TLK1: variants seen among roughly 807,000 people sequenced by gnomAD.
The protein encoded by TLK1 is tousled like kinase 1.
In TLK1, 24 loss-of-function variants were observed where a neutral mutation model predicts 105.3. That is an observed-to-expected ratio of 0.23 (90% CI 0.17 to 0.32). The LOEUF is 0.32. Among genes scored for constraint, TLK1 ranks in the 10% least tolerant of loss-of-function variants. TLK1 has a pLI of 1.00. For missense variants in TLK1, 558 were observed against 910.5 expected (o/e 0.61, Z 4.98); for synonymous variants, 321 against 310.4 (o/e 1.03, Z -0.36).
In TLK1 at chr2:171,060,050, G is replaced by T. The variant is rs931213453; in HGVS notation, c.406+1031C>A. On this transcript the variant is annotated intron_variant, in intron 4 of 20. Coordinates refer to ENST00000431350, the MANE Select transcript of TLK1 (RefSeq NM_012290.5). The stretch of plus-strand genomic sequence containing the variant: ...AGTCAAGTTTACTCCAAAGGAAGGG[G>T]GGAAAAAACACTGAAAGCCAGACTA... 4.4e-6 allele frequency: 7 copies of T among 1,596,680 alleles called. No individual in the cohort carries two copies. In the African/African-American group the frequency reaches 6.7e-5, roughly 15 times the overall value.
At chr2:171,099,077 A>G (rs989979352) in intron 2 of TLK1, among the ~76,000 whole-genome samples, 2 of 152,184 alleles carry the variant, frequency 1.3e-5, no homozygotes, top group Non-Finnish European at 2.9e-5. Context: ...AGTCAATGAA[A>G]ATTAGGCAAG....
rs758923314 is a variant in TLK1, at chr2:171,058,213, C to T, written c.407-16G>A. 8.1e-6 allele frequency: 13 copies of T among 1,612,826 alleles called. No homozygotes were observed. The highest frequency in any genetic ancestry group is 4.0e-5 in the African/African-American group (3 of 74,828). The stretch of plus-strand genomic sequence containing the variant: ...ATACTTTTTCCTAAAATATAAGAAG[C>T]GCATGATGTTAGTAGGGTAGTGATG... On this transcript the variant is annotated splice_polypyrimidine_tract_variant and intron_variant, in intron 4 of 20. Coordinates refer to ENST00000431350, the MANE Select transcript of TLK1 (RefSeq NM_012290.5).
chr2:171,002,566 G>A (rs762123276), intron 18 of TLK1, among the ~76,000 whole-genome samples: 21 of 152,076 alleles, frequency 1.4e-4, no homozygotes, highest in African/African-American at 3.6e-4. Flanking sequence ...GAGCCACCGC[G>A]CCTGGCCTGC....
At chr2:171,058,256 A>G in intron 4 of TLK1, 59 bp from the exon 5 acceptor site, 1 of 1,464,040 alleles carries the variant, frequency 6.8e-7, no homozygotes, top group Non-Finnish European at 9.6e-7. Flanking sequence ...AAAAAATATT[A>G]AGAGTCCGCA....
At chr2:171,144,028 T>C (rs903028791) in intron 1 of TLK1, among the ~76,000 whole-genome samples, 11 of 152,112 alleles carry the variant, frequency 7.2e-5, no homozygotes, top group Non-Finnish European at 1.0e-4. Context: ...GCAAAAGAGC[T>C]GGCATGAATA....
Position 170,997,814 on chromosome 2 carries a change from A to G in TLK1, c.1914T>C (p.Pro638=). 6.2e-7 allele frequency: 1 copy of G among 1,604,548 alleles called. No homozygotes were observed. Among genetic ancestry groups the G allele is most frequent in the South Asian group, 1.1e-5 (1 of 89,406 alleles). ...CTTTTCCAACTACAAAACACTCAGG[A>G]GGTAAATACCTGTAAGTTTTGTGGG... ...SQGAGTYWYL[P]PECFVVGKEP... The change falls in exon 19 of 21, where the codon CCT becomes CCC. Residue 638 remains proline, a synonymous_variant. Transcript: ENST00000431350.
At position 171,160,789 on chromosome 2, in the gene TLK1, G is replaced by A. The variant is rs957370596; in HGVS notation, c.-361C>T. On this transcript the variant is annotated 5_prime_UTR_variant, in exon 1 of 21. Transcript: ENST00000431350. This position sits in a 1 kb window ranked among gnomAD's most constrained non-coding sequence, Gnocchi z 4.4. ...TGCGCCGGCCGAGGACACTTCCGCG[G>A]GCGGAACCTGCCGGCACCTCTGCAG... 2.0e-5 allele frequency: 8 copies of A among 397,654 alleles called. No homozygotes were observed. The highest frequency in any genetic ancestry group is 4.2e-5 in the African/African-American group (2 of 47,730). 24.6% of individuals were successfully genotyped at this position (397,654 alleles called of 1,614,324 possible).
chr2:171,179,072 C>T (rs1348962160), intron 1 of TLK1, among the ~76,000 whole-genome samples: 2 of 152,158 alleles, frequency 1.3e-5, no homozygotes, highest in Non-Finnish European at 2.9e-5. Context: ...TTTCTTGTTA[C>T]ACCAGAATGG....
In TLK1 at chr2:171,046,112, T is replaced by C. The variant is rs536510208; in HGVS notation, c.1169+62A>G. ...AGTATTAATTATAAATAACATCCAT[T>C]AGTAACATTCACGCTCACTGGCAAC... On this transcript the variant is annotated intron_variant, in intron 11 of 20. Coordinates refer to ENST00000431350, the MANE Select transcript of TLK1 (RefSeq NM_012290.5). The C allele has an allele frequency of 9.1e-6, 12 of 1,317,608 alleles. No individual in the cohort carries two copies. In the South Asian group the frequency reaches 1.9e-4, roughly 21 times the overall value. The allele number at this position is 1,317,608 out of a possible 1,614,324, so 81.6% of individuals were successfully genotyped here. A position where few individuals can be genotyped will look rare whatever the true frequency, so the allele number is the denominator to read the frequency against.
chr2:171,087,014 A>G (rs571970796), intron 2 of TLK1, among the ~76,000 whole-genome samples: 1 of 152,304 alleles, frequency 6.6e-6, no homozygotes, highest in South Asian at 2.1e-4. Flanking sequence ...CTGCAGGGAG[A>G]CATAGCTTAA....
At chr2:171,065,251 CA>C (rs1687933797) in intron 3 of TLK1, among the ~76,000 whole-genome samples, 1 of 151,700 alleles carries the variant, frequency 6.6e-6, no homozygotes, top group African/African-American at 2.4e-5. Context: ...TTAATAGCAA[CA>C]AAAAAAGAGG....
At chr2:171,053,310 AT>A (rs945480337) in intron 8 of TLK1, among the ~76,000 whole-genome samples, 1 of 152,132 alleles carries the variant, frequency 6.6e-6, no homozygotes, top group East Asian at 1.9e-4. Flanking sequence ...TAAAATTGGT[AT>A]TTTTCAATCA....
At chr2:171,152,822 A>C (rs1692095789) in intron 1 of TLK1, among the ~76,000 whole-genome samples, 1 of 152,154 alleles carries the variant, frequency 6.6e-6, no homozygotes, top group South Asian at 2.1e-4. Flanking sequence ...TATCAAGATA[A>C]ATGGAATTAC....
intron 10 of TLK1, 111 bp downstream of exon 10, chr2:171,049,703 T>C (rs1452478270): frequency 3.8e-6 from 5 of 1,330,056 alleles, no homozygotes; most frequent in Non-Finnish European, 5.1e-6. Flanking sequence ...CTAAATTCTA[T>C]GATTTCAGAG....
intron 2 of TLK1, among the ~76,000 whole-genome samples, chr2:171,111,812 G>C (rs910070712): frequency 2.6e-5 from 4 of 152,144 alleles, no homozygotes; most frequent in African/African-American, 9.7e-5. Flanking sequence ...GAGGAATGTA[G>C]ATTACATGAG....
At chr2:171,149,219 G>A (rs1474102263) in intron 1 of TLK1, among the ~76,000 whole-genome samples, 2 of 150,330 alleles carry the variant, frequency 1.3e-5, no homozygotes, top group Non-Finnish European at 2.9e-5. Context: ...AAAAAGGGTA[G>A]GGGCGGGCAG....
At chr2:171,112,444 A>G in intron 2 of TLK1, among the ~76,000 whole-genome samples, 1 of 152,140 alleles carries the variant, frequency 6.6e-6, no homozygotes, top group African/African-American at 2.4e-5. Context: ...AACCAACAAA[A>G]TCTCCTTAAC....
At chr2:171,125,505 G>C (rs1690832863) in intron 1 of TLK1, among the ~76,000 whole-genome samples, 1 of 152,062 alleles carries the variant, frequency 6.6e-6, no homozygotes, top group South Asian at 2.1e-4. Flanking sequence ...ATTGCAATCT[G>C]GTCACAGATG....
At chr2:171,079,978 A>C (rs1688676101) in intron 3 of TLK1, among the ~76,000 whole-genome samples, 1 of 152,156 alleles carries the variant, frequency 6.6e-6, no homozygotes, top group African/African-American at 2.4e-5. Flanking sequence ...TATGGATATA[A>C]ATTTCAGGAA....
Sources: allele counts gnomAD v4.1 joint callset (sites outside exome capture counted in the v4.1 genomes callset), GRCh38; gene constraint gnomAD v4.1.1; non-coding constraint Gnocchi (gnomAD v3.1); transcripts MANE v1.5; gene names NCBI Gene and HGNC (gene_info 2026-07-23, HGNC 2026-07-21).